Variants in SCN2A observed in about 807,000 individuals in gnomAD.
SCN2A encodes the protein sodium voltage-gated channel alpha subunit 2.
A neutral mutation model predicts 188.7 loss-of-function variants in SCN2A; 20 were observed. The observed-to-expected ratio is 0.11, with a 90% CI of 0.07 to 0.15. SCN2A has a LOEUF of 0.15. Among genes scored for constraint, SCN2A ranks in the 10% least tolerant of loss-of-function variants. The pLI is 1.00. For synonymous variants in SCN2A, 804 were observed against 833.1 expected (o/e 0.97, Z 0.60); for missense variants, 1,278 against 2,445.0 (o/e 0.52, Z 10.07).
rs1412825409 is a variant in SCN2A, at chr2:165,370,111, T to G, written c.3676-15T>G. ...TTTCTGATCATAAAATTTAATAGAATTTTTTGACTTACAGGCCTTTGAAGA... is the reference window on the plus strand; with the variant it reads ...TTTCTGATCATAAAATTTAATAGAAGTTTTTGACTTACAGGCCTTTGAAGA... On this transcript the variant is annotated splice_polypyrimidine_tract_variant and intron_variant, in intron 19 of 26. Coordinates refer to ENST00000375437, the MANE Select transcript of SCN2A (RefSeq NM_001040142.2). 1 of 1,609,268 alleles carries G rather than the reference T, an allele frequency of 6.2e-7. No homozygotes were observed. Among genetic ancestry groups the G allele is most frequent in the Non-Finnish European group, 8.5e-7 (1 of 1,175,804 alleles).
At chr2:165,266,196 C>G (rs1296094363) in intron 1 of SCN2A, among the ~76,000 whole-genome samples, 3 of 151,950 alleles carry the variant, frequency 2.0e-5, no homozygotes, top group African/African-American at 7.2e-5. Context: ...ATTAGTCATT[C>G]AAACTTCAAC....
At chr2:165,291,491 T>TTTCTTTCTTTTCTTTCTTTC (rs1389976633) in intron 1 of SCN2A, among the ~76,000 whole-genome samples, 6 of 38,854 alleles carry the variant, frequency 1.5e-4, no homozygotes, top group African/African-American at 5.4e-4. Context: ...TCTTTCTTTC[T>TTTCTTTCTTTTCTTTCTTTC]TTTCTTTCTT....
At chr2:165,245,800 C>A (rs994427488) in intron 1 of SCN2A, among the ~76,000 whole-genome samples, 1 of 152,190 alleles carries the variant, frequency 6.6e-6, no homozygotes, top group African/African-American at 2.4e-5. Flanking sequence ...GGTCAAGAAA[C>A]TTCTACATTT....
Position 165,313,796 on chromosome 2 carries a change from TA to T in SCN2A, c.1176+39del, listed in dbSNP as rs751137355. ...GATAAAATCATTTTTCTGAGAATCA[TA>T]AAACACCGAACTCAAGAGAATTGCT... On this transcript the variant is annotated intron_variant, in intron 9 of 26. Transcript: ENST00000375437. 3 of 1,613,432 alleles carry T rather than the reference TA, an allele frequency of 1.9e-6. No homozygotes were observed. In the Admixed American group the frequency reaches 5.0e-5, roughly 27 times the overall value.
Position 165,314,001 on chromosome 2 carries a change from A to G in SCN2A, c.1276A>G (p.Met426Val). 1 of 1,613,894 alleles carries G rather than the reference A, an allele frequency of 6.2e-7. No homozygotes were observed. Among genetic ancestry groups the G allele is most frequent in the Non-Finnish European group, 8.5e-7 (1 of 1,179,832 alleles). Reference protein sequence around the residue: ...LINLILAVVAMAYEEQNQATL... With the variant: ...LINLILAVVAVAYEEQNQATL... ...AAATTTGATCTTGGCTGTGGTGGCC[A>G]TGGCCTATGAGGAACAGAATCAGGC... Residue 426 changes from methionine (M) to valine (V), a missense_variant, in exon 10 of 27, where the codon ATG (methionine) becomes GTG (valine). Physicochemically the swap from Met to Val is conservative, Grantham distance 21. This residue lies in a region of SCN2A where 42 missense variants were observed against 137.3 expected (regional missense o/e 0.31). Coordinates refer to ENST00000375437, the MANE Select transcript of SCN2A (RefSeq NM_001040142.2).
intron 1 of SCN2A, chr2:165,285,546 G>A: frequency 5.0e-6 from 1 of 199,522 alleles, no homozygotes; most frequent in Non-Finnish European, 1.1e-5. Context: ...AAACTTTCAG[G>A]ACAATTTTGA....
intron 15 of SCN2A, among the ~76,000 whole-genome samples, chr2:165,344,268 T>C (rs1257963863): frequency 6.6e-6 from 1 of 152,096 alleles, no homozygotes; most frequent in African/African-American, 2.4e-5. Context: ...TGCTCTATGG[T>C]AGCAAGTCAC....
chr2:165,283,778 A>G (rs557248720), intron 1 of SCN2A, among the ~76,000 whole-genome samples: 1 of 152,328 alleles, frequency 6.6e-6, no homozygotes, highest in South Asian at 2.1e-4. Context: ...GAAATGGAAC[A>G]TGGACTATAT....
At chr2:165,279,510 G>A (rs974848236) in intron 1 of SCN2A, among the ~76,000 whole-genome samples, 4 of 151,996 alleles carry the variant, frequency 2.6e-5, no homozygotes, top group Non-Finnish European at 5.9e-5. Flanking sequence ...AAATGATAAA[G>A]TTTTTAGACA....
chr2:165,292,404 G>A (rs193062591), intron 1 of SCN2A, among the ~76,000 whole-genome samples: 3 of 152,154 alleles, frequency 2.0e-5, no homozygotes, highest in Non-Finnish European at 4.4e-5. Flanking sequence ...GCCAAAGTTT[G>A]AGGGCACGAT....
At chr2:165,313,801 C>T in intron 9 of SCN2A, 40 bp downstream of exon 9, 1 of 1,613,114 alleles carries the variant, frequency 6.2e-7, no homozygotes, top group Admixed American at 1.7e-5. Context: ...AATCATAAAA[C>T]ACCGAACTCA....
At chr2:165,335,748 A>C (rs1317466531) in intron 14 of SCN2A, among the ~76,000 whole-genome samples, 1 of 151,890 alleles carries the variant, frequency 6.6e-6, no homozygotes, top group Non-Finnish European at 1.5e-5. Flanking sequence ...AAAAAGGTTC[A>C]TTGGACTTTA....
chr2:165,338,356 T>C (rs1699118965), intron 14 of SCN2A, among the ~76,000 whole-genome samples: 1 of 149,016 alleles, frequency 6.7e-6, no homozygotes, highest in African/African-American at 2.5e-5. Context: ...GCCTCCCCGG[T>C]TCACGTTGTT....
Position 165,354,535 on chromosome 2 carries a change from A to G in SCN2A, c.3263A>G (p.Asp1088Gly). The change falls in exon 17 of 27, where the codon GAT becomes GGT. Residue 1088 changes from aspartate (D) to glycine (G), a missense_variant. Asp to Gly is a moderately conservative substitution (Grantham distance 94, BLOSUM62 -1). This residue lies in a region of SCN2A where 228 missense variants were observed against 297.3 expected (regional missense o/e 0.77). Transcript: ENST00000375437. The part of the protein sequence containing the change: ...IGSSVEKYVV[D>G]ESDYMSFINN... ...AGCAGTGTAGAAAAATATGTCGTGGATGAAAGTGATTACATGTCATTTATA... is the reference window on the plus strand; with the variant it reads ...AGCAGTGTAGAAAAATATGTCGTGGGTGAAAGTGATTACATGTCATTTATA... The G allele has an allele frequency of 6.2e-7, 1 of 1,614,172 alleles. No homozygotes were observed. The highest frequency in any genetic ancestry group is 8.5e-7 in the Non-Finnish European group (1 of 1,180,002).
chr2:165,285,660 A>G (rs1695795175), intron 1 of SCN2A: 2 of 249,256 alleles, frequency 8.0e-6, no homozygotes, highest in African/African-American at 4.6e-5. Flanking sequence ...GGCTCCCTCT[A>G]TTGTTGCTCC....
intron 18 of SCN2A, among the ~76,000 whole-genome samples, chr2:165,366,442 G>A (rs1323224734): frequency 6.6e-6 from 1 of 152,066 alleles, no homozygotes; most frequent in African/African-American, 2.4e-5. Context: ...TTCAATAATG[G>A]TGGAATTGGG....
intron 8 of SCN2A, 94 bp downstream of exon 8, chr2:165,312,182 A>C: frequency 1.1e-6 from 1 of 882,670 alleles, no homozygotes; most frequent in Non-Finnish European, 1.9e-6. Context: ...CTCACTCCTC[A>C]CTCAAAACCC....
At chr2:165,368,116 G>GA (rs2105361320) in intron 19 of SCN2A, among the ~76,000 whole-genome samples, 1 of 152,194 alleles carries the variant, frequency 6.6e-6, no homozygotes, top group South Asian at 2.1e-4. Flanking sequence ...TATTGCCAGC[G>GA]AAAGTGGCTC....
chr2:165,345,841 T>A (rs1369270379), intron 16 of SCN2A, among the ~76,000 whole-genome samples: 1 of 152,220 alleles, frequency 6.6e-6, no homozygotes, highest in African/African-American at 2.4e-5. Flanking sequence ...TTGCAGTGGC[T>A]GGTACTGGTT....
Sources: gnomAD v4.1 joint callset for allele counts (sites outside exome capture counted in the v4.1 genomes callset) on GRCh38, gnomAD v4.1.1 for gene constraint, gnomAD v4.1.1 regional missense constraint, MANE v1.5 for transcripts, NCBI Gene and HGNC (gene_info 2026-07-23, HGNC 2026-07-21) for gene names.